TUT7: variants seen among roughly 807,000 people sequenced by gnomAD.
TUT7 encodes the protein terminal uridylyl transferase 7, also known as terminal uridylyltransferase 7.
A neutral mutation model predicts 165.9 loss-of-function variants in TUT7; 33 were observed. That is an observed-to-expected ratio of 0.20 (90% CI 0.15 to 0.27). TUT7 has a LOEUF of 0.27. Among genes scored for constraint, TUT7 ranks in the 10% least tolerant of loss-of-function variants. TUT7 has a pLI of 1.00. For missense variants in TUT7, 1,338 were observed against 1,762.3 expected (o/e 0.76, Z 4.31); for synonymous variants, 552 against 608.1 (o/e 0.91, Z 1.36).
chr9:86,290,975 G>T (rs1188767534), intron 26 of TUT7, among the ~76,000 whole-genome samples: 1 of 152,102 alleles, frequency 6.6e-6, no homozygotes, highest in Non-Finnish European at 1.5e-5. Context: ...AATACAGATG[G>T]ATATCTTTAT....
chr9:86,321,747 A>G (rs1829320384), intron 14 of TUT7, among the ~76,000 whole-genome samples: 1 of 152,176 alleles, frequency 6.6e-6, no homozygotes, highest in Non-Finnish European at 1.5e-5. Flanking sequence ...CCTCCAAAAA[A>G]GGAAACCTGC....
chr9:86,319,151 T>C, intron 15 of TUT7, 93 bp from the exon 16 acceptor site: 2 of 766,272 alleles, frequency 2.6e-6, no homozygotes, highest in South Asian at 3.5e-5. Context: ...AACACCCAGT[T>C]GTTTAATTAT....
rs527322835 is a variant in TUT7, at chr9:86,310,836, T to A, written c.3275-27A>T. 3 of 1,283,722 alleles carry A rather than the reference T, an allele frequency of 2.3e-6. No individual in the cohort carries two copies. The South Asian group carries it at 3.6e-5, about 15-fold the overall frequency. 79.5% of individuals were successfully genotyped at this position (1,283,722 alleles called of 1,614,324 possible). ...TAAGTTGGGAAATAAAATGTTATCATTAAATACAGCAGCTGGGGATATAAG... is the reference window on the plus strand; with the variant it reads ...TAAGTTGGGAAATAAAATGTTATCAATAAATACAGCAGCTGGGGATATAAG... On this transcript the variant is annotated intron_variant, in intron 17 of 26. Transcript: ENST00000375963.
In TUT7 at chr9:86,338,871, T is replaced by C. The variant is rs765452637; in HGVS notation, c.1287A>G (p.Leu429=). 1.4e-5 allele frequency: 23 copies of C among 1,611,778 alleles called. No homozygotes were observed. In the East Asian group the frequency reaches 4.5e-4, roughly 31 times the overall value. The part of the protein sequence containing the change: ...TTKHLTALGK[L]EPKLVPLVIA... ...TCACCAAAGGAACCAGCTTTGGTTC[T>C]AGTTTTCCAAGGGCAGTTAAATGCT... Residue 429 remains leucine, a synonymous_variant, in exon 9 of 27, where the codon CTA becomes CTG. Coordinates refer to ENST00000375963, the MANE Select transcript of TUT7 (RefSeq NM_024617.4).
rs1326079400 is a variant in TUT7, at chr9:86,309,930, T to G, written c.3466A>C (p.Lys1156Gln). The G allele has an allele frequency of 6.2e-7, 1 of 1,612,936 alleles. No homozygotes were observed. Among genetic ancestry groups the G allele is most frequent in the Admixed American group, 1.7e-5 (1 of 59,962 alleles). Residue 1156 changes from lysine to glutamine, a missense_variant and splice_region_variant, in exon 19 of 27, where the codon AAG becomes CAG. Coordinates refer to ENST00000375963, the MANE Select transcript of TUT7 (RefSeq NM_024617.4). ...GTCACAATAGGAAGCATACTCACCT[T>G]TGTAAATACTTTCATGGTATAGCAC... ...YLCYTMKVFT[K>Q]MCDIGDASRG...
At chr9:86,301,901 G>A in intron 25 of TUT7, 1 of 965,174 alleles carries the variant, frequency 1.0e-6, no homozygotes, top group Non-Finnish European at 1.2e-6. Flanking sequence ...GTAATGAAAG[G>A]CAAATCATCC....
chr9:86,310,382 T>C (rs1207892300), intron 18 of TUT7, among the ~76,000 whole-genome samples: 5 of 152,072 alleles, frequency 3.3e-5, no homozygotes, highest in South Asian at 2.1e-4. Flanking sequence ...TCTGACCTCA[T>C]GGCTTTTATA....
At chr9:86,317,945 A>G (rs1312259021) in intron 16 of TUT7, among the ~76,000 whole-genome samples, 1 of 152,216 alleles carries the variant, frequency 6.6e-6, no homozygotes, top group African/African-American at 2.4e-5. Flanking sequence ...ATAAATAAAT[A>G]AACCTTGAGG....
chr9:86,288,857 G>T, intron 26 of TUT7, 113 bp from the exon 27 acceptor site: 1 of 699,356 alleles, frequency 1.4e-6, no homozygotes, highest in Non-Finnish European at 2.4e-6. Context: ...TACTAGAATT[G>T]GTCACTTGTT....
intron 14 of TUT7, among the ~76,000 whole-genome samples, chr9:86,320,173 GTT>G (rs1372992131): frequency 2.0e-5 from 3 of 147,052 alleles, no homozygotes; most frequent in Admixed American, 1.4e-4. Flanking sequence ...GAATTTAAAA[GTT>G]TGTGAGCATT....
intron 8 of TUT7, 32 bp from the exon 9 acceptor site, chr9:86,338,981 G>GA: frequency 1.3e-6 from 2 of 1,515,212 alleles, no homozygotes; most frequent in Non-Finnish European, 1.8e-6. Flanking sequence ...GGATGGGAAA[G>GA]AAAAAAAGAA....
intron 14 of TUT7, 107 bp downstream of exon 14, chr9:86,322,218 T>G (rs1048743743): frequency 5.0e-6 from 5 of 992,060 alleles, no homozygotes; most frequent in Non-Finnish European, 7.5e-6. Context: ...TGGAATAGAC[T>G]TGGTCCCTAA....
chr9:86,349,085 C>A (rs1286219618), intron 2 of TUT7, among the ~76,000 whole-genome samples: 11 of 152,004 alleles, frequency 7.2e-5, no homozygotes, highest in Non-Finnish European at 1.6e-4. Flanking sequence ...TCGAGACCAT[C>A]CTGGCCAACA....
At chr9:86,298,330 G>C (rs1330455646) in intron 26 of TUT7, among the ~76,000 whole-genome samples, 2 of 152,172 alleles carry the variant, frequency 1.3e-5, no homozygotes, top group Non-Finnish European at 2.9e-5. Flanking sequence ...GGAGAGGCTG[G>C]ATAGCTATTT....
intron 9 of TUT7, 89 bp downstream of exon 9, chr9:86,338,734 T>C: frequency 2.2e-6 from 3 of 1,354,558 alleles, no homozygotes; most frequent in Non-Finnish European, 2.9e-6. Flanking sequence ...AATTTGCATT[T>C]AAACACTGAA....
Position 86,328,498 on chromosome 9 carries a change from A to G in TUT7, c.1456-6T>C. 1 of 1,599,982 alleles carries G rather than the reference A, an allele frequency of 6.3e-7. No homozygotes were observed. Among genetic ancestry groups the G allele is most frequent in the Non-Finnish European group, 8.5e-7 (1 of 1,174,634 alleles). ...CTTAATGAGAATCCTTCAATCTAGG[A>G]AAAATTAGACACATGCTAAAATAAG... On this transcript the variant is annotated splice_region_variant and splice_polypyrimidine_tract_variant and intron_variant, in intron 10 of 26. Coordinates refer to ENST00000375963, the MANE Select transcript of TUT7 (RefSeq NM_024617.4).
intron 8 of TUT7, among the ~76,000 whole-genome samples, chr9:86,339,464 G>A (rs1831135751): frequency 6.6e-6 from 1 of 152,178 alleles, no homozygotes; most frequent in South Asian, 2.1e-4. Context: ...GTTGCAATGA[G>A]CCAAGATTGC....
intron 1 of TUT7, among the ~76,000 whole-genome samples, chr9:86,353,969 T>G (rs1389161438): frequency 2.0e-5 from 3 of 152,206 alleles, no homozygotes; most frequent in Non-Finnish European, 4.4e-5. Context: ...CTGCCTTAGT[T>G]TCCACCCTTT....
intron 4 of TUT7, among the ~76,000 whole-genome samples, 198 bp from the exon 5 acceptor site, chr9:86,345,352 TG>T (rs1831663601): frequency 6.6e-6 from 1 of 152,160 alleles, no homozygotes; most frequent in Non-Finnish European, 1.5e-5. Flanking sequence ...AGAGGATAGG[TG>T]GGCATAAGGA....
Sources: gnomAD v4.1 joint callset for allele counts (sites outside exome capture counted in the v4.1 genomes callset) on GRCh38, gnomAD v4.1.1 for gene constraint, MANE v1.5 for transcripts, NCBI Gene and HGNC (gene_info 2026-07-23, HGNC 2026-07-21) for gene names.